ELSPBP1: variants seen among roughly 807,000 people sequenced by gnomAD.
The protein encoded by ELSPBP1 is epididymal sperm-binding protein 1.
A neutral mutation model predicts 33.3 loss-of-function variants in ELSPBP1; 38 were observed. The observed-to-expected ratio is 1.14, with a 90% CI of 0.88 to 1.50. ELSPBP1 has a LOEUF of 1.50. ELSPBP1 is among the 40% of genes most tolerant of loss of function. The probability of loss-of-function intolerance (pLI) is 0.00; values close to 1 mark genes in which losing one functional copy is unlikely to be tolerated. For synonymous variants in ELSPBP1, 85 were observed against 94.1 expected (o/e 0.90, Z 0.56); for missense variants, 267 against 263.5 (o/e 1.01, Z -0.09).
chr19:48,006,148 T>C (rs571003663), intron 1 of ELSPBP1, among the ~76,000 whole-genome samples: 45 of 152,102 alleles, frequency 3.0e-4, no homozygotes, highest in Middle Eastern at 3.4e-3. Context: ...TTTGTAGAGA[T>C]GAGGTCTCAC....
intron 1 of ELSPBP1, among the ~76,000 whole-genome samples, chr19:48,005,384 A>C (rs7255053): frequency 0.32 from 48,499 of 151,946 alleles, 8,100 homozygotes; most frequent in Middle Eastern, 0.43. Context: ...AAGCGGATAG[A>C]TTCAGGAGCT....
At chr19:48,015,159 T>C (rs190277664) in intron 3 of ELSPBP1, among the ~76,000 whole-genome samples, 4,671 of 151,982 alleles carry the variant, frequency 0.031, 93 homozygotes, top group African/African-American at 0.049. Context: ...AATAAGAAAA[T>C]GGTAAAAAGG....
In ELSPBP1 at chr19:48,023,560, AAAGGAAGGG is replaced by A. The variant is rs1349524714; in HGVS notation, c.*7+1237_*7+1245del. Among the ~76,000 whole-genome samples, 3 of 53,782 alleles carry A rather than the reference AAAGGAAGGG, an allele frequency of 5.6e-5. 1 individual carries two copies. The highest frequency in any genetic ancestry group is 9.1e-5 in the African/African-American group (2 of 22,038). The allele number at this position is 53,782 out of a possible 152,430, so 35.3% of individuals were successfully genotyped here. A position where few individuals can be genotyped will look rare whatever the true frequency, so the allele number is the denominator to read the frequency against. On this transcript the variant is annotated intron_variant, in intron 6 of 6. Coordinates refer to ENST00000339841, the MANE Select transcript of ELSPBP1 (RefSeq NM_022142.5). ...GGAAAGAAGGAAGAAAAGGGAAGGG[AAAGGAAGGG>A]AAGGAAGGGAGGGAGGAAGGAAGGA... is the stretch of plus-strand genomic sequence containing the variant.
chr19:48,003,905 T>TATTCTATTCC (rs1966992084), intron 1 of ELSPBP1, among the ~76,000 whole-genome samples: 1 of 67,688 alleles, frequency 1.5e-5, no homozygotes, highest in Non-Finnish European at 3.3e-5. Context: ...TATTCTATTC[T>TATTCTATTCC]ATTCTATTCT....
At chr19:48,018,064 A>C (rs1260278314) in intron 4 of ELSPBP1, among the ~76,000 whole-genome samples, 1 of 152,180 alleles carries the variant, frequency 6.6e-6, no homozygotes, top group African/African-American at 2.4e-5. Flanking sequence ...CGGATGTCCA[A>C]GAAGAGATAC....
intron 3 of ELSPBP1, 43 bp from the exon 4 acceptor site, chr19:48,015,850 G>T: frequency 1.3e-6 from 2 of 1,561,844 alleles, no homozygotes; most frequent in South Asian, 2.3e-5. Context: ...TCCTGTGAAC[G>T]ACTAGAGGAA....
chr19:48,016,135 C>A, intron 4 of ELSPBP1, 96 bp downstream of exon 4: 2 of 1,434,134 alleles, frequency 1.4e-6, no homozygotes, highest in Non-Finnish European at 1.9e-6. Context: ...GAGACCAGAG[C>A]ACCCAGGGGG....
At position 47,995,853 on chromosome 19, in the gene ELSPBP1, G is replaced by A. The variant is rs116300804; in HGVS notation, c.-18+1042G>A. Among the ~76,000 whole-genome samples the A allele has an allele frequency of 3.9e-3, 592 of 152,306 alleles. 1 individual carries two copies. The highest frequency in any genetic ancestry group is 0.014 in the African/African-American group (565 of 41,560). Reference sequence around the variant, plus strand: ...CCCAGTTGAAACATGGGAGAGGTAGGATTTGAACCCTGGTTGGTTGGGTGC... The same window carrying A: ...CCCAGTTGAAACATGGGAGAGGTAGAATTTGAACCCTGGTTGGTTGGGTGC... On this transcript the variant is annotated intron_variant, in intron 1 of 6. Coordinates refer to ENST00000339841, the MANE Select transcript of ELSPBP1 (RefSeq NM_022142.5).
At chr19:48,021,736 C>T (rs1222178091) in intron 5 of ELSPBP1, among the ~76,000 whole-genome samples, 3 of 152,078 alleles carry the variant, frequency 2.0e-5, no homozygotes, top group Non-Finnish European at 4.4e-5. Flanking sequence ...AGGCATGAGC[C>T]ACAAAGCGCA....
chr19:48,015,364 C>T (rs1967120502), intron 3 of ELSPBP1, among the ~76,000 whole-genome samples: 2 of 151,960 alleles, frequency 1.3e-5, no homozygotes, highest in Non-Finnish European at 2.9e-5. Flanking sequence ...TTTTGAAAAA[C>T]ACCCATGCCC....
At chr19:48,008,370 CCACAGG>C (rs1478148317) in intron 1 of ELSPBP1, among the ~76,000 whole-genome samples, 1 of 152,028 alleles carries the variant, frequency 6.6e-6, no homozygotes, top group Admixed American at 6.5e-5. Context: ...ATAGCTGGGA[CCACAGG>C]CATACACCAC....
Position 48,015,983 on chromosome 19 carries a change from G to A in ELSPBP1, c.299G>A (p.Cys100Tyr). Residue 100 changes from cysteine (C) to tyrosine (Y), a missense_variant, in exon 4 of 7, where the codon TGC becomes TAC. Cys to Tyr is a radical substitution (Grantham distance 194, BLOSUM62 -2). Coordinates refer to ENST00000339841, the MANE Select transcript of ELSPBP1 (RefSeq NM_022142.5). ...SQGSFLGSLWCSVTSVFDEKQ... is the reference protein window; with the variant it reads ...SQGSFLGSLWYSVTSVFDEKQ... ...GGCAGCTTCTTAGGCAGTCTGTGGT[G>A]CTCAGTCACCTCTGTCTTCGATGAG... The A allele has an allele frequency of 6.2e-7, 1 of 1,614,050 alleles. No homozygotes were observed. The highest frequency in any genetic ancestry group is 1.7e-5 in the Admixed American group (1 of 60,024).
chr19:48,002,772 G>A (rs1381530923), intron 1 of ELSPBP1, among the ~76,000 whole-genome samples: 1 of 149,698 alleles, frequency 6.7e-6, no homozygotes, highest in East Asian at 1.9e-4. Flanking sequence ...AGCTTGGGGT[G>A]CAGAGCAAGA....
intron 6 of ELSPBP1, 168 bp from the exon 7 acceptor site, chr19:48,024,784 T>G (rs1051356380): frequency 6.6e-6 from 1 of 152,262 alleles, no homozygotes; most frequent in Non-Finnish European, 1.5e-5. Context: ...ATCTCCTTGC[T>G]CCTATGAGCT....
At chr19:48,023,490 G>GGAGGGAAGGAAGGGAGGGAA (rs375435091) in intron 6 of ELSPBP1, among the ~76,000 whole-genome samples, 5 of 89,932 alleles carry the variant, frequency 5.6e-5, no homozygotes, top group East Asian at 3.9e-4. Flanking sequence ...AGGGAAGGGA[G>GGAGGGAAGGAAGGGAGGGAA]GGAGGGAAGG....
intron 1 of ELSPBP1, among the ~76,000 whole-genome samples, chr19:48,003,538 T>A: frequency 9.0e-6 from 1 of 111,638 alleles, no homozygotes. Flanking sequence ...CCACCCCTGC[T>A]CTTTTTTTTT....
intron 2 of ELSPBP1, among the ~76,000 whole-genome samples, chr19:48,013,350 T>C (rs1967096742): frequency 6.6e-6 from 1 of 152,138 alleles, no homozygotes; most frequent in South Asian, 2.1e-4. Context: ...CATTAGGAAA[T>C]TGGATGCTAA....
intron 6 of ELSPBP1, among the ~76,000 whole-genome samples, chr19:48,023,469 AGGAAGGG>A (rs1967229803): frequency 1.1e-5 from 1 of 93,130 alleles, no homozygotes. Context: ...GAAGGAATGG[AGGAAGGG>A]AGGAGGGAAG....
At chr19:48,004,678 C>T (rs913455658) in intron 1 of ELSPBP1, among the ~76,000 whole-genome samples, 1 of 152,174 alleles carries the variant, frequency 6.6e-6, no homozygotes, top group African/African-American at 2.4e-5. Context: ...TGACCTTGTC[C>T]TAGTTGTTCC....
Sources: allele counts gnomAD v4.1 joint callset (sites outside exome capture counted in the v4.1 genomes callset), GRCh38; gene constraint gnomAD v4.1.1; transcripts MANE v1.5; gene names NCBI Gene and HGNC (gene_info 2026-07-23, HGNC 2026-07-21).